IQGAP1: variants seen among roughly 807,000 people sequenced by gnomAD.
IQGAP1 encodes ras GTPase-activating-like protein IQGAP1.
A neutral mutation model predicts 215.6 loss-of-function variants in IQGAP1; 66 were observed. The ratio of observed to expected loss-of-function variants is 0.31; its 90% confidence interval spans 0.25 to 0.38. The LOEUF is 0.38. Among genes scored for constraint, IQGAP1 ranks in the 10% least tolerant of loss-of-function variants. The probability of loss-of-function intolerance (pLI) is 1.00; values close to 1 mark genes in which losing one functional copy is unlikely to be tolerated. For missense variants in IQGAP1, 1,712 were observed against 1,997.1 expected (o/e 0.86, Z 2.72); for synonymous variants, 772 against 728.7 (o/e 1.06, Z -0.96).
intron 28 of IQGAP1, 23 bp downstream of exon 28, chr15:90,482,304 A>T (rs766885347): frequency 6.2e-7 from 1 of 1,608,608 alleles, no homozygotes; most frequent in Non-Finnish European, 8.5e-7. Context: ...TAGCCGGCAG[A>T]CTCCTGCCCT....
In IQGAP1 at chr15:90,435,945, A is replaced by G. The variant is rs1202853728; in HGVS notation, c.467+2150A>G. 3.3e-5 allele frequency among the ~76,000 whole-genome samples: 5 copies of G among 152,146 alleles called. No homozygotes were observed. The South Asian group carries it at 8.3e-4, about 25-fold the overall frequency. ...ATTGCTGAAAGTGCCTTCTTTTACC[A>G]CAAAACACAGCCATGTTCAAAGCAG... On this transcript the variant is annotated intron_variant, in intron 5 of 37. Transcript: ENST00000268182.
intron 2 of IQGAP1, among the ~76,000 whole-genome samples, chr15:90,407,889 A>G (rs1286794981): frequency 2.6e-5 from 4 of 152,238 alleles, no homozygotes; most frequent in Non-Finnish European, 5.9e-5. Flanking sequence ...GGATTAATTG[A>G]AGACAGGGCA....
chr15:90,389,928 C>T (rs558156944), intron 1 of IQGAP1, among the ~76,000 whole-genome samples: 2 of 145,602 alleles, frequency 1.4e-5, no homozygotes, highest in Middle Eastern at 3.6e-3. Context: ...GCACTCGAGC[C>T]GGAGTGACAG....
At chr15:90,407,898 C>T (rs1170278040) in intron 2 of IQGAP1, among the ~76,000 whole-genome samples, 1 of 152,156 alleles carries the variant, frequency 6.6e-6, no homozygotes, top group African/African-American at 2.4e-5. Context: ...GAAGACAGGG[C>T]ATAAACATTT....
chr15:90,388,487 G>A, intron 1 of IQGAP1, 91 bp downstream of exon 1: 1 of 1,078,080 alleles, frequency 9.3e-7, no homozygotes, highest in Non-Finnish European at 1.2e-6. Context: ...GGGCGGGTGG[G>A]GCAGGGCGGC....
At chr15:90,474,365 G>A in intron 22 of IQGAP1, 120 bp from the exon 23 acceptor site, 1 of 879,156 alleles carries the variant, frequency 1.1e-6, no homozygotes, top group Non-Finnish European at 1.9e-6. Context: ...CCTGATAGTT[G>A]TCTTAGCACA....
intron 15 of IQGAP1, 22 bp downstream of exon 15, chr15:90,456,337 C>T (rs1488727052): frequency 3.7e-6 from 6 of 1,612,666 alleles, no homozygotes; most frequent in Non-Finnish European, 5.1e-6. Context: ...CGGAATTGTT[C>T]TTTATGTTCA....
intron 2 of IQGAP1, among the ~76,000 whole-genome samples, chr15:90,406,124 T>C (rs1325432187): frequency 6.6e-6 from 1 of 152,226 alleles, no homozygotes; most frequent in Non-Finnish European, 1.5e-5. Context: ...TGACAAATTC[T>C]GGTCTAGTAA....
At chr15:90,400,243 T>G (rs923408071) in intron 2 of IQGAP1, among the ~76,000 whole-genome samples, 1 of 152,246 alleles carries the variant, frequency 6.6e-6, no homozygotes, top group Non-Finnish European at 1.5e-5. Context: ...TTTATGGCTC[T>G]TCTTCATTTT....
rs1964577487 is a variant in IQGAP1, at chr15:90,388,248, G to C, written c.-94G>C. 34 of 1,430,048 alleles carry C rather than the reference G, an allele frequency of 2.4e-5. No individual in the cohort carries two copies. Among genetic ancestry groups the C allele is most frequent in the Middle Eastern group, 3.7e-4 (2 of 5,370 alleles). The allele number at this position is 1,430,048 out of a possible 1,614,324, so 88.6% of individuals were successfully genotyped here. Reference sequence around the variant, plus strand: ...CACGGGGCGGGGCCTCGGGGACCCCGGCAAGCCCGCGCACTTGGCAGGAGC... The same window carrying C: ...CACGGGGCGGGGCCTCGGGGACCCCCGCAAGCCCGCGCACTTGGCAGGAGC... On this transcript the variant is annotated 5_prime_UTR_variant, in exon 1 of 38. Coordinates refer to ENST00000268182, the MANE Select transcript of IQGAP1 (RefSeq NM_003870.4).
In IQGAP1 at chr15:90,445,003, GT is replaced by G. The variant is rs567756798; in HGVS notation, c.913+1526del. Among the ~76,000 whole-genome samples, 289 of 152,244 alleles carry G rather than the reference GT, an allele frequency of 1.9e-3. 1 individual carries two copies. Among genetic ancestry groups the G allele is most frequent in the Non-Finnish European group, 3.1e-3 (208 of 68,028 alleles). On this transcript the variant is annotated intron_variant, in intron 9 of 37. Coordinates refer to ENST00000268182, the MANE Select transcript of IQGAP1 (RefSeq NM_003870.4). ...CTGGACGTGGTGACATGCGCCTGTA[GT>G]CCCAGCTACTTGGGGGCTGAAGCAG...
chr15:90,404,557 T>C (rs945743537), intron 2 of IQGAP1, among the ~76,000 whole-genome samples: 4 of 152,200 alleles, frequency 2.6e-5, no homozygotes. Context: ...GGAAATTGGC[T>C]CGTTGTACAC....
intron 2 of IQGAP1, 131 bp downstream of exon 2, chr15:90,391,004 T>TG (rs1490153046): frequency 1.8e-5 from 11 of 620,848 alleles, no homozygotes; most frequent in East Asian, 8.8e-5. Context: ...GAGGCCGAGG[T>TG]GGGGGGGAAT....
Position 90,433,907 on chromosome 15 carries a change from G to A in IQGAP1, c.467+112G>A. 4 of 572,350 alleles carry A rather than the reference G, an allele frequency of 7.0e-6. No homozygotes were observed. The East Asian group carries it at 1.1e-4, about 16-fold the overall frequency. 35.5% of individuals were successfully genotyped at this position (572,350 alleles called of 1,614,324 possible). On this transcript the variant is annotated intron_variant, in intron 5 of 37. Coordinates refer to ENST00000268182, the MANE Select transcript of IQGAP1 (RefSeq NM_003870.4). ...AAAAGTTTTTTGATTAGTTTCAAAAGTTCCAAATAGGATAAAATACTATTA... is the reference window on the plus strand; with the variant it reads ...AAAAGTTTTTTGATTAGTTTCAAAAATTCCAAATAGGATAAAATACTATTA...
At chr15:90,434,065 A>G (rs1257475221) in intron 5 of IQGAP1, among the ~76,000 whole-genome samples, 1 of 152,124 alleles carries the variant, frequency 6.6e-6, no homozygotes. Context: ...TCTGTGAACT[A>G]TGCATTCACT....
chr15:90,411,630 C>T (rs1438125091), intron 2 of IQGAP1, among the ~76,000 whole-genome samples: 1 of 152,090 alleles, frequency 6.6e-6, no homozygotes, highest in African/African-American at 2.4e-5. Context: ...TCAAGAGCTG[C>T]TCACAGGTTA....
intron 5 of IQGAP1, among the ~76,000 whole-genome samples, chr15:90,436,179 A>G (rs950728061): frequency 6.6e-6 from 1 of 151,716 alleles, no homozygotes; most frequent in Non-Finnish European, 1.5e-5. Context: ...ATAAGACCCC[A>G]GTTTTCCATT....
At chr15:90,462,775 A>G (rs1282089152) in intron 15 of IQGAP1, among the ~76,000 whole-genome samples, 1 of 151,546 alleles carries the variant, frequency 6.6e-6, no homozygotes, top group Non-Finnish European at 1.5e-5. Flanking sequence ...TTAAATTCTG[A>G]CTTCTGGTCC....
intron 35 of IQGAP1, among the ~76,000 whole-genome samples, chr15:90,493,868 TC>T (rs1966238696): frequency 6.6e-6 from 1 of 152,184 alleles, no homozygotes; most frequent in South Asian, 2.1e-4. Context: ...TAGTTTCCCC[TC>T]CCCAGGGCCA....
Sources: gnomAD v4.1 joint callset for allele counts (sites outside exome capture counted in the v4.1 genomes callset) on GRCh38, gnomAD v4.1.1 for gene constraint, MANE v1.5 for transcripts, NCBI Gene and HGNC (gene_info 2026-07-23, HGNC 2026-07-21) for gene names.